SYNPR: variants seen among roughly 807,000 people sequenced by gnomAD.
The protein encoded by SYNPR is synaptoporin.
Under a neutral mutation model 32.9 loss-of-function variants are expected in SYNPR, and 23 were observed. The ratio of observed to expected loss-of-function variants is 0.70; its 90% CI spans 0.50 to 0.99. The LOEUF (loss-of-function observed/expected upper bound fraction) is 0.99. Ranked by LOEUF, SYNPR falls within the 50% of genes least tolerant of loss-of-function variation. The pLI, the probability that SYNPR is intolerant of heterozygous loss-of-function variation, is 0.00. For missense variants in SYNPR, 318 were observed against 349.3 expected (o/e 0.91, Z 0.71); for synonymous variants, 146 against 135.9 (o/e 1.07, Z -0.52).
At chr3:63,593,696 C>G (rs1055866321) in intron 4 of SYNPR, among the ~76,000 whole-genome samples, 3 of 152,164 alleles carry the variant, frequency 2.0e-5, no homozygotes, top group African/African-American at 7.2e-5. Context: ...AGATTCTTCA[C>G]GCATAAAACA....
intron 3 of SYNPR, among the ~76,000 whole-genome samples, chr3:63,554,635 G>A (rs1400144302): frequency 6.6e-6 from 1 of 152,056 alleles, no homozygotes; most frequent in East Asian, 1.9e-4. Context: ...TTTGAAATTG[G>A]GTATTGTGAT....
chr3:63,563,650 T>C (rs982374202), intron 4 of SYNPR, among the ~76,000 whole-genome samples: 1 of 152,142 alleles, frequency 6.6e-6, no homozygotes, highest in African/African-American at 2.4e-5. Context: ...TTTATTTTAA[T>C]AGGTAATAAG....
At chr3:63,543,078 A>T (rs1702336094) in intron 3 of SYNPR, among the ~76,000 whole-genome samples, 1 of 152,172 alleles carries the variant, frequency 6.6e-6, no homozygotes, top group Non-Finnish European at 1.5e-5. Context: ...TAAATACAAA[A>T]ATATGCAAAT....
intron 3 of SYNPR, among the ~76,000 whole-genome samples, chr3:63,551,447 T>A (rs78749899): frequency 7.4e-4 from 113 of 152,304 alleles, no homozygotes; most frequent in Non-Finnish European, 1.2e-3. Context: ...GTGGAATTGC[T>A]GGAATGGAGT....
At chr3:63,314,802 G>A (rs1485200269) in intron 2 of SYNPR, among the ~76,000 whole-genome samples, 1 of 152,000 alleles carries the variant, frequency 6.6e-6, no homozygotes, top group Non-Finnish European at 1.5e-5. Flanking sequence ...CCTTGCCTAA[G>A]CCAATGTGTA....
At chr3:63,467,864 A>G (rs1255069840) in intron 2 of SYNPR, among the ~76,000 whole-genome samples, 1 of 152,124 alleles carries the variant, frequency 6.6e-6, no homozygotes, top group African/African-American at 2.4e-5. Context: ...ATGACCACGC[A>G]TCATGTCTGA....
intron 3 of SYNPR, among the ~76,000 whole-genome samples, chr3:63,536,248 T>C (rs34119596): frequency 0.23 from 34,711 of 152,054 alleles, 4,061 homozygotes; most frequent in East Asian, 0.32. Flanking sequence ...ATCCAGAATA[T>C]ATGAAGAATT....
chr3:63,392,307 TC>T (rs1217080029), intron 2 of SYNPR, among the ~76,000 whole-genome samples: 1 of 152,128 alleles, frequency 6.6e-6, no homozygotes, highest in African/African-American at 2.4e-5. Context: ...TCAAATAGAT[TC>T]TCAGGTTACG....
chr3:63,224,173 G>C (rs1560161179), upstream of SYNPR, among the ~76,000 whole-genome samples: 1 of 152,156 alleles, frequency 6.6e-6, no homozygotes. Context: ...TGAGTGGCAG[G>C]CAAGCCAGCA....
intron 2 of SYNPR, among the ~76,000 whole-genome samples, chr3:63,441,129 A>G (rs895955823): frequency 5.3e-5 from 8 of 152,210 alleles, no homozygotes; most frequent in African/African-American, 1.7e-4. Flanking sequence ...CTTTCAGATA[A>G]GTTACTTAAC....
At chr3:63,395,015 G>A (rs1055873430) in intron 2 of SYNPR, among the ~76,000 whole-genome samples, 1 of 151,958 alleles carries the variant, frequency 6.6e-6, no homozygotes, top group East Asian at 1.9e-4. Context: ...GAAAAGCAGC[G>A]TGCTCCCTTA....
chr3:63,475,956 A>G (rs756706619), intron 2 of SYNPR, among the ~76,000 whole-genome samples: 2 of 152,010 alleles, frequency 1.3e-5, no homozygotes, highest in Non-Finnish European at 2.9e-5. Context: ...AGCAAGGAAT[A>G]CCATGTCTCT....
At chr3:63,551,506 T>C (rs1702498827) in intron 3 of SYNPR, among the ~76,000 whole-genome samples, 2 of 152,180 alleles carry the variant, frequency 1.3e-5, no homozygotes, top group Non-Finnish European at 2.9e-5. Context: ...CAGACTGTTT[T>C]CCAAAGTGGC....
Position 63,495,705 on chromosome 3 carries a change from T to G in SYNPR, c.209+14749T>G, listed in dbSNP as rs534970375. On this transcript the variant is annotated intron_variant, in intron 3 of 5. Coordinates refer to ENST00000478300, the MANE Select transcript of SYNPR (RefSeq NM_001130003.2). ...CCTTTTTTATTAGAAAAAGTAGCACTTTTTTTGGTTTTTTTCTGTTCTAAA... is the reference window on the plus strand; with the variant it reads ...CCTTTTTTATTAGAAAAAGTAGCACGTTTTTTGGTTTTTTTCTGTTCTAAA... Among the ~76,000 whole-genome samples the G allele has an allele frequency of 5.3e-5, 8 of 152,288 alleles. No individual in the cohort carries two copies. In the South Asian group the frequency reaches 1.7e-3, roughly 32 times the overall value.
At position 63,393,496 on chromosome 3, in the gene SYNPR, CTTTTTTTT is replaced by C. The variant is rs71631152; in HGVS notation, c.85-87322_85-87315del. On this transcript the variant is annotated intron_variant, in intron 2 of 5. Transcript: ENST00000478300. ...CCTTCCTTCCTTCTTTCTTTCTTCT[CTTTTTTTT>C]TTTTTTTTTTTTTGACAGTGTCTTG... 1.2e-3 allele frequency among the ~76,000 whole-genome samples: 99 copies of C among 84,506 alleles called. 1 individual carries two copies. The highest frequency in any genetic ancestry group is 4.8e-3 in the African/African-American group (85 of 17,626). The allele number at this position is 84,506 out of a possible 152,430, so 55.4% of individuals were successfully genotyped here.
intron 2 of SYNPR, among the ~76,000 whole-genome samples, chr3:63,264,746 G>A (rs1246848448): frequency 6.6e-6 from 1 of 152,154 alleles, no homozygotes; most frequent in Non-Finnish European, 1.5e-5. Context: ...TGGCTGTGGA[G>A]GCCTCAGGAA....
intron 3 of SYNPR, among the ~76,000 whole-genome samples, chr3:63,481,573 T>C (rs1380638334): frequency 2.0e-5 from 3 of 152,084 alleles, no homozygotes; most frequent in South Asian, 4.1e-4. Flanking sequence ...ATATTCTTAA[T>C]AGTTTTTAAG....
the SYNPR span, among the ~76,000 whole-genome samples, chr3:63,204,234 T>G: frequency 6.6e-6 from 1 of 152,094 alleles, no homozygotes; most frequent in Non-Finnish European, 1.5e-5. Context: ...AGACTACAAG[T>G]CCAAAATCAA....
At chr3:63,306,867 C>T (rs2086915023) in intron 2 of SYNPR, among the ~76,000 whole-genome samples, 1 of 151,582 alleles carries the variant, frequency 6.6e-6, no homozygotes, top group African/African-American at 2.4e-5. Flanking sequence ...TGGGCTTTGC[C>T]TTTTTTTTCA....
Sources: gnomAD v4.1 joint callset for allele counts (sites outside exome capture counted in the v4.1 genomes callset) on GRCh38, gnomAD v4.1.1 for gene constraint, MANE v1.5 for transcripts, NCBI Gene and HGNC (gene_info 2026-07-23, HGNC 2026-07-21) for gene names.